The following MRM2 variants were observed in gnomAD, a reference collection of about 807,000 sequenced individuals.
The protein encoded by MRM2 is mitochondrial rRNA methyltransferase 2.
A neutral mutation model predicts 10.9 loss-of-function variants in MRM2; 15 were observed. The observed-to-expected ratio is 1.37, with a 90% confidence interval of 0.92 to 2.11. The LOEUF is 2.11. Ranked by LOEUF, MRM2 falls within the 30% of genes most tolerant of loss-of-function variation. The pLI is 0.00. For missense variants in MRM2, 328 were observed against 321.3 expected (o/e 1.02, Z -0.16); for synonymous variants, 139 against 128.7 (o/e 1.08, Z -0.54).
rs749356400 is a variant in MRM2 at position 2,239,705 on chromosome 7, T to C, written c.11A>G (p.Tyr4Cys). 2 of 1,610,096 alleles carry C rather than the reference T, an allele frequency of 1.2e-6. No individual in the cohort carries two copies. Among genetic ancestry groups the C allele is most frequent in the Admixed American group, 1.7e-5 (1 of 59,928 alleles). MAG[Y>C]LKLVCVSFQR... The stretch of plus-strand genomic sequence containing the variant: ...AAAGGAAACACACACCAGCTTCAAG[T>C]ACCTGGTGGGAGAGAAGAGGAGCAG... Residue 4 changes from tyrosine (Y) to cysteine (C), a missense_variant and splice_region_variant, in exon 2 of 3, where the codon TAC becomes TGC. Transcript: ENST00000242257.
chr7:2,235,296 C>A lies in MRM2; in HGVS notation c.567G>T (p.Gly189=). ...CAGCCCAGGTTTTACAAAGGAATGT[C>A]CCCCCAGGTTGCAGGATGTCTGGGG... The part of the protein sequence containing the change: ...SVTPDILQPG[G]TFLCKTWAGS... The change falls in exon 3 of 3, where the codon GGG becomes GGT. Residue 189 remains glycine, a synonymous_variant. Coordinates refer to ENST00000242257, the MANE Select transcript of MRM2 (RefSeq NM_013393.3). The A allele has an allele frequency of 6.2e-7, 1 of 1,613,930 alleles. No individual in the cohort carries two copies. Among genetic ancestry groups the A allele is most frequent in the Non-Finnish European group, 8.5e-7 (1 of 1,179,870 alleles).
chr7:2,239,345 G>T, intron 2 of MRM2, 73 bp downstream of exon 2: 3 of 1,472,864 alleles, frequency 2.0e-6, no homozygotes, highest in Non-Finnish European at 1.9e-6. Context: ...GCATCCACTG[G>T]CAAAGGCAGC....
intron 2 of MRM2, chr7:2,238,974 TA>T (rs1794466702): frequency 9.3e-6 from 1 of 108,032 alleles, no homozygotes; most frequent in African/African-American, 5.8e-5. Flanking sequence ...ATAACAATAA[TA>T]ATTATATATA....
chr7:2,242,194 G>A lies in MRM2; in HGVS notation c.-25C>T, dbSNP rs968414123. 7 of 1,572,036 alleles carry A rather than the reference G, an allele frequency of 4.5e-6. No individual in the cohort carries two copies. The highest frequency in any genetic ancestry group is 4.1e-5 in the African/African-American group (3 of 72,570). ...TTGGTGTTCCCCGCGCCTGCAGCGC[G>A]CCGCCGGAAGTGCCTGGCCTCACTT... On this transcript the variant is annotated 5_prime_UTR_variant, in exon 1 of 3. Transcript: ENST00000242257.
chr7:2,240,673 TGAC>T (rs947691665), intron 1 of MRM2, among the ~76,000 whole-genome samples: 1 of 151,854 alleles, frequency 6.6e-6, no homozygotes, highest in African/African-American at 2.4e-5. Flanking sequence ...TGTTTAACTC[TGAC>T]AACAACCTCA....
At position 2,239,597 on chromosome 7, in the gene MRM2, C is replaced by G; in HGVS notation, c.119G>C (p.Arg40Thr). ...AEHLWLTRHL[R>T]DPFVKAAKVE... ...CTTCGCAGCCTTCACAAATGGGTCCCTGAGATGTCGGGTCAGCCACAGGTG... is the reference window on the plus strand; with the variant it reads ...CTTCGCAGCCTTCACAAATGGGTCCGTGAGATGTCGGGTCAGCCACAGGTG... The change falls in exon 2 of 3, where the codon AGG becomes ACG. Residue 40 changes from arginine (R) to threonine (T), a missense_variant. Physicochemically the swap from Arg to Thr is moderately conservative, Grantham distance 71. Transcript: ENST00000242257. 1 of 1,614,136 alleles carries G rather than the reference C, an allele frequency of 6.2e-7. No homozygotes were observed.
In MRM2 at chr7:2,234,985, GA is replaced by G. The variant is rs1794391876; in HGVS notation, c.*136del. The G allele has an allele frequency of 3.2e-5, 20 of 627,320 alleles. No homozygotes were observed. Among genetic ancestry groups the G allele is most frequent in the South Asian group, 2.7e-4 (13 of 48,788 alleles). 38.9% of individuals were successfully genotyped at this position (627,320 alleles called of 1,614,324 possible). A position where few individuals can be genotyped will look rare whatever the true frequency, so the allele number is the denominator to read the frequency against. ...TTGGTTAAAAAGAGAGAGAGAGAAA[GA>G]GAGAGAGAGACTCCCCACTTGTCCT... is the stretch of plus-strand genomic sequence containing the variant. On this transcript the variant is annotated 3_prime_UTR_variant, in exon 3 of 3. Coordinates refer to ENST00000242257, the MANE Select transcript of MRM2 (RefSeq NM_013393.3).
intron 1 of MRM2, 41 bp from the exon 2 acceptor site, chr7:2,239,748 A>G: frequency 6.3e-7 from 1 of 1,581,226 alleles, no homozygotes; most frequent in Non-Finnish European, 8.6e-7. Context: ...GGCATCACAC[A>G]GAACGGCAGG....
intron 2 of MRM2, 109 bp downstream of exon 2, chr7:2,239,309 C>T: frequency 9.3e-7 from 1 of 1,077,432 alleles, no homozygotes; most frequent in Non-Finnish European, 1.4e-6. Flanking sequence ...GAAGCACACG[C>T]CTTCAAAAAA....
At chr7:2,239,105 A>G in intron 2 of MRM2, 6 of 765,086 alleles carry the variant, frequency 7.8e-6, no homozygotes, top group South Asian at 5.4e-5. Context: ...ATGGCACAAC[A>G]TCGCTTTTGA....
Position 2,234,789 on chromosome 7 carries a change from T to C in MRM2, c.*333A>G, listed in dbSNP as rs1584622148. 2 of 338,190 alleles carry C rather than the reference T, an allele frequency of 5.9e-6. No homozygotes were observed. The highest frequency in any genetic ancestry group is 1.4e-4 in the East Asian group (2 of 14,602). 20.9% of individuals were successfully genotyped at this position (338,190 alleles called of 1,614,324 possible). Reference sequence around the variant, plus strand: ...AGATGAAGTCCCGTCAAGGCACACATGGGCACACCCATCCCTGCCTCGGCG... The same window carrying C: ...AGATGAAGTCCCGTCAAGGCACACACGGGCACACCCATCCCTGCCTCGGCG... On this transcript the variant is annotated 3_prime_UTR_variant, in exon 3 of 3. Coordinates refer to ENST00000242257, the MANE Select transcript of MRM2 (RefSeq NM_013393.3).
At chr7:2,239,743 C>T in intron 1 of MRM2, 36 bp from the exon 2 acceptor site, 1 of 1,590,742 alleles carries the variant, frequency 6.3e-7, no homozygotes. Flanking sequence ...AGGTTGGCAT[C>T]ACACAGAACG....
rs777890165 is a variant in MRM2 at position 2,235,402 on chromosome 7, T to G, written c.461A>C (p.Asp154Ala). 16 of 1,613,942 alleles carry G rather than the reference T, an allele frequency of 9.9e-6. No homozygotes were observed. The highest frequency in any genetic ancestry group is 3.3e-5 in the Admixed American group (2 of 59,986). The change falls in exon 3 of 3, where the codon GAC (aspartate) becomes GCC (alanine). Residue 154 changes from aspartate (D) to alanine (A), a missense_variant. Transcript: ENST00000242257. The part of the protein sequence containing the change: ...PGRRADVILS[D>A]MAPNATGFRD... ...GAACCCTGTGGCATTGGGCGCCATG[T>G]CGCTCAGAATCACATCTGCTCTCCT...
chr7:2,235,319 G>C lies in MRM2; in HGVS notation c.544C>G (p.Pro182Ala). The C allele has an allele frequency of 1.9e-6, 3 of 1,614,132 alleles. No individual in the cohort carries two copies. Among genetic ancestry groups the C allele is most frequent in the Non-Finnish European group, 2.5e-6 (3 of 1,180,034 alleles). Residue 182 changes from proline to alanine, a missense_variant, in exon 3 of 3, where the codon CCA becomes GCA. Pro to Ala is a conservative substitution (Grantham distance 27, BLOSUM62 -1). Coordinates refer to ENST00000242257, the MANE Select transcript of MRM2 (RefSeq NM_013393.3). Reference protein sequence around the residue: ...SLCLTLLSVTPDILQPGGTFL... With the variant: ...SLCLTLLSVTADILQPGGTFL... ...GTCCCCCCAGGTTGCAGGATGTCTG[G>C]GGTCACGCTGAGAAGGGTCAGGCAC... is the stretch of plus-strand genomic sequence containing the variant.
Position 2,235,193 on chromosome 7 carries a change from T to C in MRM2, c.670A>G (p.Arg224Gly), listed in dbSNP as rs1253078400. Residue 224 changes from arginine (R) to glycine (G), a missense_variant, in exon 3 of 3, where the codon AGG (arginine) becomes GGG (glycine). Arg to Gly is a moderately radical substitution (Grantham distance 125). Coordinates refer to ENST00000242257, the MANE Select transcript of MRM2 (RefSeq NM_013393.3). ...AAGTACACTTCTGATGACTCTTTCC[T>C]GCTGGCTTCAGGTTTGATGATCCTT... is the stretch of plus-strand genomic sequence containing the variant. ...NVRIIKPEAS[R>G]KESSEVYFLA... 6.2e-7 allele frequency: 1 copy of C among 1,614,176 alleles called. No homozygotes were observed. The highest frequency in any genetic ancestry group is 8.5e-7 in the Non-Finnish European group (1 of 1,179,992).
intron 1 of MRM2, 148 bp downstream of exon 1, chr7:2,242,014 C>G (rs1389835575): frequency 3.7e-6 from 3 of 818,160 alleles, no homozygotes; most frequent in Non-Finnish European, 5.4e-6. Flanking sequence ...GACCCGGAAT[C>G]CTGGCCTCGC....
intron 1 of MRM2, 130 bp from the exon 2 acceptor site, chr7:2,239,837 T>A: frequency 1.3e-6 from 1 of 793,458 alleles, no homozygotes. Context: ...GGAGGTGAAC[T>A]GATAAGGCTA....
rs529453425 is a variant in MRM2 at position 2,240,478 on chromosome 7, G to A, written c.9-771C>T. 2.7e-5 allele frequency among the ~76,000 whole-genome samples: 4 copies of A among 148,400 alleles called. No homozygotes were observed. The South Asian group carries it at 8.6e-4, about 32-fold the overall frequency. On this transcript the variant is annotated intron_variant, in intron 1 of 2. Coordinates refer to ENST00000242257, the MANE Select transcript of MRM2 (RefSeq NM_013393.3). ...TGCAGTGGTGAGGTCACGGTTCAAC[G>A]CAGATTCGAACTCCTGGGCTCAAAC...
At chr7:2,239,304 A>G (rs915058139) in intron 2 of MRM2, 114 bp downstream of exon 2, 2 of 1,022,152 alleles carry the variant, frequency 2.0e-6, no homozygotes, top group African/African-American at 3.1e-5. Flanking sequence ...ACTCGGAAGC[A>G]CACGCCTTCA....
Sources: gnomAD v4.1 joint callset for allele counts (sites outside exome capture counted in the v4.1 genomes callset) on GRCh38, gnomAD v4.1.1 for gene constraint, MANE v1.5 for transcripts, NCBI Gene and HGNC (gene_info 2026-07-23, HGNC 2026-07-21) for gene names.